U2AF2: variants seen among roughly 807,000 people sequenced by gnomAD.
U2AF2 encodes U2 small nuclear RNA auxiliary factor 2, also known as splicing factor U2AF 65 kDa subunit.
A neutral mutation model predicts 52.6 loss-of-function variants in U2AF2; 6 were observed. That is an observed-to-expected ratio of 0.11 (90% CI 0.06 to 0.23). The LOEUF (loss-of-function observed/expected upper bound fraction) is 0.23. Among genes scored for constraint, U2AF2 ranks in the 10% least tolerant of loss-of-function variants. The probability of loss-of-function intolerance (pLI) is 1.00; values close to 1 mark genes in which losing one functional copy is unlikely to be tolerated. For missense variants in U2AF2, 222 were observed against 677.1 expected (o/e 0.33, Z 7.46); for synonymous variants, 284 against 258.2 (o/e 1.10, Z -0.96).
At chr19:55,672,663 A>G (rs965192781) in intron 11 of U2AF2, among the ~76,000 whole-genome samples, 1 of 152,062 alleles carries the variant, frequency 6.6e-6, no homozygotes, top group Non-Finnish European at 1.5e-5. Context: ...CAAAACCACA[A>G]TAGCATGATT....
Position 55,655,053 on chromosome 19 carries a change from G to A in U2AF2, c.-52G>A. 6.3e-7 allele frequency: 1 copy of A among 1,599,190 alleles called. No individual in the cohort carries two copies. Among genetic ancestry groups the A allele is most frequent in the Non-Finnish European group, 8.5e-7 (1 of 1,174,684 alleles). The stretch of plus-strand genomic sequence containing the variant: ...CGGAAGTAGCCGAAGCGGCTGGAGC[G>A]GGCGGCAAGGCGAGGCGAAAGCTGC... On this transcript the variant is annotated 5_prime_UTR_variant, in exon 1 of 12. Transcript: ENST00000308924.
intron 7 of U2AF2, among the ~76,000 whole-genome samples, chr19:55,664,842 C>T (rs549729170): frequency 1.4e-4 from 22 of 152,222 alleles, no homozygotes; most frequent in East Asian, 1.9e-4. Flanking sequence ...TTCAGCCTCC[C>T]GAGCAGCTGG....
chr19:55,661,236 C>T (rs766319213), intron 5 of U2AF2, 47 bp downstream of exon 5: 80 of 1,473,764 alleles, frequency 5.4e-5, no homozygotes, highest in South Asian at 1.2e-4. Flanking sequence ...CCCTCTACCC[C>T]GTTCCTCCCC....
At chr19:55,664,661 C>T (rs1239921017) in intron 7 of U2AF2, among the ~76,000 whole-genome samples, 1 of 152,194 alleles carries the variant, frequency 6.6e-6, no homozygotes, top group African/African-American at 2.4e-5. Flanking sequence ...GACGGAGGCA[C>T]ATCTGTGTCA....
Position 55,668,968 on chromosome 19 carries a change from C to T in U2AF2, c.946-115C>T. ...TTGGCTTTTTCCAGGCTCTTAATCC[C>T]CTTTGCCTTCCCCTCTTCCCCCACC... On this transcript the variant is annotated intron_variant, in intron 9 of 11. Coordinates refer to ENST00000308924, the MANE Select transcript of U2AF2 (RefSeq NM_007279.3). This position sits in a 1 kb window ranked among gnomAD's most constrained non-coding sequence, Gnocchi z 5.5. 2 of 1,480,862 alleles carry T rather than the reference C, an allele frequency of 1.4e-6. No individual in the cohort carries two copies. Among genetic ancestry groups the T allele is most frequent in the African/African-American group, 1.4e-5 (1 of 72,222 alleles). 91.7% of individuals were successfully genotyped at this position (1,480,862 alleles called of 1,614,324 possible).
chr19:55,657,360 C>G (rs537966312), intron 1 of U2AF2, among the ~76,000 whole-genome samples: 27 of 152,366 alleles, frequency 1.8e-4, no homozygotes, highest in African/African-American at 6.5e-4. Context: ...TGCCTGTAGT[C>G]TTTGTCTCTG....
intron 2 of U2AF2, among the ~76,000 whole-genome samples, chr19:55,659,827 G>A (rs1984046740): frequency 6.6e-6 from 1 of 152,094 alleles, no homozygotes; most frequent in African/African-American, 2.4e-5. Context: ...GCCCAGGGGT[G>A]TCGGTTTCCA....
In U2AF2 at chr19:55,655,078, C is replaced by A. The variant is rs752555917; in HGVS notation, c.-27C>A. ...GGGCGGCAAGGCGAGGCGAAAGCTG[C>A]ACAGGGCCCTACGCGGCCGCCTCAG... On this transcript the variant is annotated 5_prime_UTR_variant, in exon 1 of 12. Transcript: ENST00000308924. The A allele has an allele frequency of 4.8e-5, 77 of 1,606,418 alleles. No homozygotes were observed. The Admixed American group carries it at 1.3e-3, about 26-fold the overall frequency.
At chr19:55,671,180 G>A (rs1984897087) in intron 11 of U2AF2, among the ~76,000 whole-genome samples, 1 of 152,148 alleles carries the variant, frequency 6.6e-6, no homozygotes. Context: ...CAATAATCTG[G>A]TGAAAGATGG....
chr19:55,674,273 G>A lies in U2AF2; in HGVS notation c.*205G>A, dbSNP rs1451109977. On this transcript the variant is annotated 3_prime_UTR_variant, in exon 12 of 12. Coordinates refer to ENST00000308924, the MANE Select transcript of U2AF2 (RefSeq NM_007279.3). ...TTAGGGCAGGGAGGGGACTGGGGAAGTGCGCACACAGCCCACACAGACAAC... is the reference window on the plus strand; with the variant it reads ...TTAGGGCAGGGAGGGGACTGGGGAAATGCGCACACAGCCCACACAGACAAC... The A allele has an allele frequency of 1.8e-6, 1 of 547,932 alleles. No individual in the cohort carries two copies. Among genetic ancestry groups the A allele is most frequent in the Non-Finnish European group, 3.2e-6 (1 of 309,934 alleles). 33.9% of individuals were successfully genotyped at this position (547,932 alleles called of 1,614,324 possible). A position where few individuals can be genotyped will look rare whatever the true frequency, so the allele number is the denominator to read the frequency against.
chr19:55,669,433 T>G lies in U2AF2; in HGVS notation c.1045-11T>G. The G allele has an allele frequency of 6.3e-7, 1 of 1,587,874 alleles. No homozygotes were observed. The highest frequency in any genetic ancestry group is 1.1e-5 in the South Asian group (1 of 88,096). On this transcript the variant is annotated splice_polypyrimidine_tract_variant and intron_variant, in intron 10 of 11. Coordinates refer to ENST00000308924, the MANE Select transcript of U2AF2 (RefSeq NM_007279.3). ...CCCCCTGTGACGCCGCTGCCTCCCCTGGCCCCACAGAGCACCATCAATCAG... is the reference window on the plus strand; with the variant it reads ...CCCCCTGTGACGCCGCTGCCTCCCCGGGCCCCACAGAGCACCATCAATCAG...
At chr19:55,659,641 G>A (rs939778355) in intron 2 of U2AF2, among the ~76,000 whole-genome samples, 3 of 151,902 alleles carry the variant, frequency 2.0e-5, no homozygotes, top group Non-Finnish European at 4.4e-5. Flanking sequence ...TTCACAAGGG[G>A]TTGTTCTCTG....
chr19:55,674,085 GTGGGGGCAGGGCTGGC>G lies in U2AF2; in HGVS notation c.*25_*40del. The G allele has an allele frequency of 1.3e-6, 2 of 1,593,058 alleles. No homozygotes were observed. The highest frequency in any genetic ancestry group is 1.7e-6 in the Non-Finnish European group (2 of 1,169,056). ...TTCTGGTAGAGGCGGCTGGGGGAGGGTGGGGGCAGGGCTGGCTGGGGGCTTCTCCCCACTCCCGCCC... is the reference window on the plus strand; with the variant it reads ...TTCTGGTAGAGGCGGCTGGGGGAGGGTGGGGGCTTCTCCCCACTCCCGCCC... On this transcript the variant is annotated 3_prime_UTR_variant, in exon 12 of 12. Transcript: ENST00000308924.
chr19:55,663,507 A>G (rs1407373925), intron 6 of U2AF2, 99 bp from the exon 7 acceptor site: 14 of 1,517,278 alleles, frequency 9.2e-6, no homozygotes, highest in Non-Finnish European at 1.2e-5. Context: ...GTATTTGTTC[A>G]CATGAGTGAA....
chr19:55,661,499 G>GACACACACACACACACAC (rs59262812), intron 5 of U2AF2, among the ~76,000 whole-genome samples: 2 of 145,098 alleles, frequency 1.4e-5, no homozygotes, highest in African/African-American at 2.6e-5. Flanking sequence ...GGGAGACTTG[G>GACACACACACACACACAC]ACACACACAC....
intron 5 of U2AF2, 184 bp downstream of exon 5, chr19:55,661,373 C>G (rs1294805680): frequency 5.4e-6 from 3 of 551,368 alleles, no homozygotes; most frequent in Non-Finnish European, 9.0e-6. Flanking sequence ...GGCCCTCCCT[C>G]CCTCCTCTTC....
intron 1 of U2AF2, 89 bp downstream of exon 1, chr19:55,655,242 C>A (rs982670508): frequency 1.1e-5 from 16 of 1,420,186 alleles, no homozygotes; most frequent in Admixed American, 8.0e-5. Context: ...CGCTTCCCCC[C>A]ACTTCACGGC....
chr19:55,655,709 C>G (rs1983749866), intron 1 of U2AF2, among the ~76,000 whole-genome samples: 1 of 152,228 alleles, frequency 6.6e-6, no homozygotes, highest in Non-Finnish European at 1.5e-5. Context: ...TCGCGTACCC[C>G]TTTTCCTTTT....
intron 7 of U2AF2, among the ~76,000 whole-genome samples, chr19:55,664,803 C>T (rs1017137553): frequency 2.6e-5 from 4 of 152,074 alleles, no homozygotes; most frequent in Admixed American, 6.6e-5. Context: ...CTGCATCCTC[C>T]GCCTCTAGGG....
Sources: allele counts gnomAD v4.1 joint callset (sites outside exome capture counted in the v4.1 genomes callset), GRCh38; gene constraint gnomAD v4.1.1; non-coding constraint Gnocchi (gnomAD v3.1); transcripts MANE v1.5; gene names NCBI Gene and HGNC (gene_info 2026-07-23, HGNC 2026-07-21).